The following GALNS variants were observed in gnomAD, a reference collection of about 807,000 sequenced individuals.
GALNS encodes N-acetylgalactosamine-6-sulfatase.
GALNS carries 65 observed loss-of-function variants against 65.9 expected under a neutral mutation model. The ratio of observed to expected loss-of-function variants is 0.99; its 90% CI spans 0.81 to 1.21. The LOEUF is 1.21. Among genes scored for constraint, GALNS ranks in the 50% most tolerant of loss-of-function variants. GALNS has a pLI of 0.00. For synonymous variants in GALNS, 346 were observed against 288.9 expected (o/e 1.20, Z -2.00); for missense variants, 776 against 700.7 (o/e 1.11, Z -1.21).
intron 11 of GALNS, among the ~76,000 whole-genome samples, chr16:88,823,170 G>A (rs1425257229): frequency 2.0e-5 from 3 of 152,056 alleles, no homozygotes; most frequent in Admixed American, 6.5e-5. Flanking sequence ...GGAAAGGGAC[G>A]GGAAGGGAGG....
chr16:88,835,886 G>C, intron 6 of GALNS, 37 bp from the exon 7 acceptor site: 1 of 1,613,260 alleles, frequency 6.2e-7, no homozygotes, highest in South Asian at 1.1e-5. Context: ...TCCAGCCTCA[G>C]GCCGACCTCC....
chr16:88,831,237 G>A (rs932277826), intron 9 of GALNS, among the ~76,000 whole-genome samples: 1 of 150,450 alleles, frequency 6.6e-6, no homozygotes, highest in South Asian at 2.1e-4. Flanking sequence ...CACGGGGTGC[G>A]TGGGGAGGAG....
chr16:88,831,922 AG>A, intron 9 of GALNS, 75 bp downstream of exon 9: 1 of 1,268,646 alleles, frequency 7.9e-7, no homozygotes, highest in Non-Finnish European at 1.1e-6. Flanking sequence ...GGAGGTGGCC[AG>A]TGAGGGGCGC....
chr16:88,853,411 A>C (rs1030333033), intron 1 of GALNS, among the ~76,000 whole-genome samples: 2 of 152,154 alleles, frequency 1.3e-5, no homozygotes, highest in African/African-American at 4.8e-5. Context: ...TATTATGAAG[A>C]CGAGCAGGCC....
intron 11 of GALNS, among the ~76,000 whole-genome samples, chr16:88,823,919 A>G (rs1910527556): frequency 6.6e-6 from 1 of 152,146 alleles, no homozygotes; most frequent in African/African-American, 2.4e-5. Context: ...GTAAAACCCG[A>G]AAGAAGAGCG....
chr16:88,856,440 C>T (rs904668103), intron 1 of GALNS: 3 of 700,580 alleles, frequency 4.3e-6, no homozygotes, highest in Non-Finnish European at 7.8e-6. Flanking sequence ...GGTAGCACGC[C>T]GGCCACCCAC....
chr16:88,836,382 G>T, intron 5 of GALNS, 115 bp from the exon 6 acceptor site: 1 of 859,714 alleles, frequency 1.2e-6, no homozygotes, highest in Non-Finnish European at 1.9e-6. Flanking sequence ...AGGGCTGGGC[G>T]TCATGGCTCA....
At chr16:88,836,123 C>T (rs543767650) in intron 6 of GALNS, 78 bp downstream of exon 6, 283 of 1,363,242 alleles carry the variant, frequency 2.1e-4, no homozygotes, top group Non-Finnish European at 1.7e-5. Context: ...CCTGTCCCCA[C>T]GCCTCCCACA....
Position 88,818,050 on chromosome 16 carries a change from A to C in GALNS, c.1439T>G (p.Val480Gly), listed in dbSNP as rs1234005486. 19 of 1,582,746 alleles carry C rather than the reference A, an allele frequency of 1.2e-5. No individual in the cohort carries two copies. The highest frequency in any genetic ancestry group is 1.6e-5 in the Non-Finnish European group (19 of 1,169,530). Residue 480 changes from valine to glycine, a missense_variant, in exon 13 of 14, where the codon GTC (valine) becomes GGC (glycine). Physicochemically the swap from Val to Gly is moderately radical, Grantham distance 109 (BLOSUM62 -3). Coordinates refer to ENST00000268695, the MANE Select transcript of GALNS (RefSeq NM_000512.5). ...CACGTTGAGCTGGGGCTGCGCGGGG[A>C]CCAAGGCCTCCTGGTGCTGCTGGAC... ...SVVQQHQEAL[V>G]PAQPQLNVCN...
chr16:88,852,441 A>G (rs1467345292), intron 1 of GALNS, among the ~76,000 whole-genome samples: 1 of 152,260 alleles, frequency 6.6e-6, no homozygotes, highest in Non-Finnish European at 1.5e-5. Context: ...CCAGAGCAGA[A>G]AAGCTGAAAA....
chr16:88,821,047 G>A lies in GALNS; in HGVS notation c.1364+1542C>T, dbSNP rs561825870. ...AGCTCCAGGCCCCCCATGGTTTCAC[G>A]GGTCTCACCCCCATGGGTGATCACG... On this transcript the variant is annotated intron_variant, in intron 12 of 13. Coordinates refer to ENST00000268695, the MANE Select transcript of GALNS (RefSeq NM_000512.5). Among the ~76,000 whole-genome samples the A allele has an allele frequency of 3.3e-5, 5 of 152,296 alleles. No homozygotes were observed. In the South Asian group the frequency reaches 8.3e-4, roughly 25 times the overall value.
At chr16:88,819,569 GCT>G (rs1187180696) in intron 12 of GALNS, among the ~76,000 whole-genome samples, 1 of 152,202 alleles carries the variant, frequency 6.6e-6, no homozygotes, top group Non-Finnish European at 1.5e-5. Flanking sequence ...ACAGGATCTT[GCT>G]CTGTTACCCA....
chr16:88,826,683 G>C lies in GALNS; in HGVS notation c.1139+19C>G. On this transcript the variant is annotated intron_variant, in intron 10 of 13. Transcript: ENST00000268695. ...CTACTTGGATCGGGGGAAGGGGCCG[G>C]GGCAGGTCTAGCACCAACCTGTCCA... The C allele has an allele frequency of 6.2e-7, 1 of 1,608,138 alleles. No homozygotes were observed. The highest frequency in any genetic ancestry group is 8.5e-7 in the Non-Finnish European group (1 of 1,176,204).
chr16:88,830,087 C>T (rs552209972), intron 9 of GALNS, among the ~76,000 whole-genome samples: 119 of 152,088 alleles, frequency 7.8e-4, no homozygotes, highest in Admixed American at 1.0e-3. Flanking sequence ...AAAAATTAGC[C>T]GGGCATGGTA....
chr16:88,855,797 G>A, intron 1 of GALNS: 1 of 521,876 alleles, frequency 1.9e-6, no homozygotes, highest in Non-Finnish European at 3.4e-6. Context: ...GGCCCCCACT[G>A]GTCAGCACAG....
chr16:88,855,177 T>A, intron 1 of GALNS: 1 of 666,456 alleles, frequency 1.5e-6, no homozygotes, highest in Non-Finnish European at 2.7e-6. Context: ...AAAATATTAT[T>A]TCGACAAGTC....
chr16:88,847,683 T>C (rs559706576), intron 1 of GALNS, among the ~76,000 whole-genome samples: 40 of 152,346 alleles, frequency 2.6e-4, no homozygotes, highest in Non-Finnish European at 4.9e-4. Flanking sequence ...GATCGCTGAT[T>C]GTCTAAGGTT....
intron 9 of GALNS, among the ~76,000 whole-genome samples, chr16:88,829,933 C>T (rs987269451): frequency 7.9e-5 from 12 of 152,110 alleles, no homozygotes; most frequent in African/African-American, 2.7e-4. Flanking sequence ...GCCACAGGGT[C>T]CTCAAAAGTG....
intron 1 of GALNS, chr16:88,855,539 CAT>C (rs1278807534): frequency 5.7e-6 from 4 of 701,240 alleles, no homozygotes; most frequent in Admixed American, 2.0e-5. Flanking sequence ...ACAAATAAGA[CAT>C]ATGAGATGGA....
Sources: allele counts gnomAD v4.1 joint callset (sites outside exome capture counted in the v4.1 genomes callset), GRCh38; gene constraint gnomAD v4.1.1; transcripts MANE v1.5; gene names NCBI Gene and HGNC (gene_info 2026-07-23, HGNC 2026-07-21).